The following XIAP variants were observed in gnomAD, a reference collection of about 807,000 sequenced individuals.
The protein encoded by XIAP is E3 ubiquitin-protein ligase XIAP.
Under a neutral mutation model 33.1 loss-of-function variants are expected in XIAP, and 3 were observed. That is an observed-to-expected ratio of 0.09 (90% CI 0.04 to 0.23). The LOEUF (loss-of-function observed/expected upper bound fraction) is 0.23, where lower values mean the gene tolerates loss of function less well. XIAP is among the 10% of genes least tolerant of loss of function. The pLI is 1.00. For synonymous variants in XIAP, 98 were observed against 121.3 expected (o/e 0.81, Z 1.26); for missense variants, 264 against 363.0 (o/e 0.73, Z 2.22).
At chrX:123,904,333 T>G (rs894004570) in intron 6 of XIAP, among the ~76,000 whole-genome samples, 1 of 112,329 alleles carries the variant, frequency 8.9e-6, no homozygotes, top group Non-Finnish European at 1.9e-5. Context: ...AATACACACT[T>G]CATTCTGACT....
chrX:123,894,833 A>G (rs1307070277), intron 5 of XIAP, among the ~76,000 whole-genome samples: 1 of 110,054 alleles, frequency 9.1e-6, no homozygotes, highest in Non-Finnish European at 1.9e-5. Context: ...AGTTCCAGCT[A>G]CTTGGGAGGC....
chrX:123,887,536 A>G (rs1414327496), intron 2 of XIAP, among the ~76,000 whole-genome samples: 4 of 112,624 alleles, frequency 3.6e-5, no homozygotes, highest in African/African-American at 1.3e-4. Flanking sequence ...GTAATCTTGA[A>G]GGTTTGTTTA....
rs1049141232 is a variant in XIAP at position 123,913,485 on chromosome X, C to A, written c.*6304C>A. On this transcript the variant is annotated 3_prime_UTR_variant, in exon 7 of 7. Transcript: ENST00000371199. The stretch of plus-strand genomic sequence containing the variant: ...ACTCCCTCTCAAAAACAAAACAAAA[C>A]AAAAAAATTAGACAAATGCTACATT... 3.4e-5 allele frequency: 11 copies of A among 326,939 alleles called. No individual in the cohort carries two copies. The highest frequency in any genetic ancestry group is 6.3e-5 in the Admixed American group (2 of 31,852). The allele number at this position is 326,939 out of a possible 1,213,427, so 26.9% of individuals were successfully genotyped here. A position where few individuals can be genotyped will look rare whatever the true frequency, so the allele number is the denominator to read the frequency against.
At chrX:123,886,629 T>A in intron 2 of XIAP, 90 bp downstream of exon 2, 1 of 993,697 alleles carries the variant, frequency 1.0e-6, no homozygotes, top group Non-Finnish European at 1.4e-6. Flanking sequence ...CCTGAACTGG[T>A]AAATATTTAG....
intron 1 of XIAP, among the ~76,000 whole-genome samples, chrX:123,883,471 TG>T (rs2053322753): frequency 9.7e-6 from 1 of 102,914 alleles, no homozygotes; most frequent in Admixed American, 1.1e-4. Flanking sequence ...CAGGTAGCCT[TG>T]GTTTTTTTCT....
At chrX:123,878,432 C>T (rs2053267064) in intron 1 of XIAP, among the ~76,000 whole-genome samples, 2 of 111,506 alleles carry the variant, frequency 1.8e-5, no homozygotes, top group Admixed American at 1.9e-4. Context: ...CACTAATCTA[C>T]TTTCTGTTTC....
rs749381807 is a variant in XIAP at position 123,893,796 on chromosome X, G to T, written c.1099+1023G>T. 7.2e-5 allele frequency among the ~76,000 whole-genome samples: 8 copies of T among 111,813 alleles called. No homozygotes were observed. In the East Asian group the frequency reaches 2.0e-3, roughly 28 times the overall value. The stretch of plus-strand genomic sequence containing the variant: ...GTGGAGATTGCAGCCAGCTGAGATC[G>T]TGCCAGTGCACTCTAGCCTGGGCAA... On this transcript the variant is annotated intron_variant, in intron 5 of 6. Transcript: ENST00000371199.
At chrX:123,906,458 G>A (rs1355048470) in intron 6 of XIAP, among the ~76,000 whole-genome samples, 3 of 112,120 alleles carry the variant, frequency 2.7e-5, no homozygotes, top group African/African-American at 9.7e-5. Context: ...ACTTTAGTTT[G>A]TCTTTCTTCT....
At chrX:123,892,014 C>T (rs1221626413) in intron 4 of XIAP, among the ~76,000 whole-genome samples, 1 of 110,961 alleles carries the variant, frequency 9.0e-6, no homozygotes, top group East Asian at 2.8e-4. Flanking sequence ...GTGCTTTGTA[C>T]TCATAAGTAG....
chrX:123,901,823 T>C (rs953449599), intron 6 of XIAP, among the ~76,000 whole-genome samples: 4 of 111,716 alleles, frequency 3.6e-5, no homozygotes, highest in Non-Finnish European at 7.5e-5. Context: ...GTCATCTTTC[T>C]TTCTTTTTTT....
Position 123,912,064 on chromosome X carries a change from A to G in XIAP, c.*4883A>G, listed in dbSNP as rs1387462038. ...GGTCCAAATGTTTATGTTTTCAACTACTCTTTCCACTGTACCATAACTTTC... is the reference window on the plus strand; with the variant it reads ...GGTCCAAATGTTTATGTTTTCAACTGCTCTTTCCACTGTACCATAACTTTC... On this transcript the variant is annotated 3_prime_UTR_variant, in exon 7 of 7. Coordinates refer to ENST00000371199, the MANE Select transcript of XIAP (RefSeq NM_001167.4). The G allele has an allele frequency of 6.1e-6, 2 of 326,184 alleles. No homozygotes were observed. Among genetic ancestry groups the G allele is most frequent in the Middle Eastern group, 9.5e-4 (1 of 1,057 alleles). The allele number at this position is 326,184 out of a possible 1,213,427, so 26.9% of individuals were successfully genotyped here.
intron 1 of XIAP, among the ~76,000 whole-genome samples, chrX:123,865,363 A>G (rs1324258723): frequency 3.6e-5 from 4 of 111,305 alleles, no homozygotes; most frequent in South Asian, 7.4e-4. Flanking sequence ...GTGCATGTCA[A>G]TGACCCCATC....
chrX:123,885,549 G>T (rs968667563), intron 1 of XIAP, 82 bp from the exon 2 acceptor site: 14 of 785,935 alleles, frequency 1.8e-5, no homozygotes, highest in Non-Finnish European at 2.6e-5. Flanking sequence ...GTCATAAGTG[G>T]ATAATTTGTT....
chrX:123,891,805 A>T (rs2053410537), intron 4 of XIAP, among the ~76,000 whole-genome samples: 1 of 96,873 alleles, frequency 1.0e-5, no homozygotes, highest in Admixed American at 1.2e-4. Flanking sequence ...CTGAGTGAGA[A>T]AGGGAAACCC....
intron 6 of XIAP, among the ~76,000 whole-genome samples, chrX:123,903,385 T>C (rs2148109460): frequency 9.2e-6 from 1 of 108,359 alleles, no homozygotes; most frequent in Admixed American, 1.0e-4. Context: ...ACGGGGTTTC[T>C]CCATGTTGGT....
intron 1 of XIAP, among the ~76,000 whole-genome samples, chrX:123,879,847 G>A (rs1450274466): frequency 9.0e-6 from 1 of 111,157 alleles, no homozygotes; most frequent in Admixed American, 9.6e-5. Flanking sequence ...GGGCTCAGTG[G>A]CTCACGCCTG....
Position 123,912,116 on chromosome X carries a change from C to A in XIAP, c.*4935C>A. 3.1e-6 allele frequency: 1 copy of A among 325,285 alleles called. No individual in the cohort carries two copies. Among genetic ancestry groups the A allele is most frequent in the Non-Finnish European group, 5.9e-6 (1 of 169,045 alleles). The allele number at this position is 325,285 out of a possible 1,213,427, so 26.8% of individuals were successfully genotyped here. A position where few individuals can be genotyped will look rare whatever the true frequency, so the allele number is the denominator to read the frequency against. On this transcript the variant is annotated 3_prime_UTR_variant, in exon 7 of 7. Coordinates refer to ENST00000371199, the MANE Select transcript of XIAP (RefSeq NM_001167.4). ...CTACATATTAAATGACACTTTATAA[C>A]TAATATAATAGGACAATCATCAATG...
chrX:123,862,531 C>T (rs1244238401), intron 1 of XIAP, among the ~76,000 whole-genome samples: 1 of 109,903 alleles, frequency 9.1e-6, no homozygotes, highest in South Asian at 3.9e-4. Flanking sequence ...ACCACCACAC[C>T]TGGCTAATTA....
intron 1 of XIAP, among the ~76,000 whole-genome samples, chrX:123,874,869 A>ATT (rs773693860): frequency 0.015 from 624 of 42,607 alleles, no homozygotes; most frequent in East Asian, 0.021. Flanking sequence ...TAATTCTTGT[A>ATT]TTTTTTTTTT....
Sources: allele counts gnomAD v4.1 joint callset (sites outside exome capture counted in the v4.1 genomes callset), GRCh38; gene constraint gnomAD v4.1.1; transcripts MANE v1.5; gene names NCBI Gene and HGNC (gene_info 2026-07-23, HGNC 2026-07-21).